CEP112: variants seen among roughly 807,000 people sequenced by gnomAD.
CEP112 encodes centrosomal protein of 112 kDa.
CEP112 carries 127 observed loss-of-function variants against 153.0 expected under a neutral mutation model. That is an observed-to-expected ratio of 0.83 (90% confidence interval 0.72 to 0.96). CEP112 has a LOEUF of 0.96. Among genes scored for constraint, CEP112 ranks in the 40% least tolerant of loss-of-function variants. The pLI, the probability that CEP112 is intolerant of heterozygous loss-of-function variation, is 0.00. For missense variants in CEP112, 1,089 were observed against 1,101.2 expected (o/e 0.99, Z 0.16); for synonymous variants, 358 against 374.4 (o/e 0.96, Z 0.51).
At chr17:66,092,907 A>G (rs1316097487) in intron 8 of CEP112, among the ~76,000 whole-genome samples, 1 of 152,218 alleles carries the variant, frequency 6.6e-6, no homozygotes, top group Non-Finnish European at 1.5e-5. Flanking sequence ...CATTGATAAC[A>G]ATATATTCAA....
chr17:66,006,114 G>A (rs528836008), intron 16 of CEP112, among the ~76,000 whole-genome samples: 172 of 152,144 alleles, frequency 1.1e-3, no homozygotes, highest in African/African-American at 3.9e-3. Flanking sequence ...AATAAACAAT[G>A]TGTCTATATT....
chr17:66,082,581 G>A (rs1047326126), intron 8 of CEP112, among the ~76,000 whole-genome samples: 1 of 152,066 alleles, frequency 6.6e-6, no homozygotes, highest in Non-Finnish European at 1.5e-5. Context: ...TGGCCAACAT[G>A]GCAAAACCCT....
chr17:65,790,935 C>G (rs1049815360), intron 21 of CEP112, among the ~76,000 whole-genome samples: 2 of 152,160 alleles, frequency 1.3e-5, no homozygotes, highest in African/African-American at 4.8e-5. Flanking sequence ...ATGTACCTGA[C>G]ATACAGGCAC....
intron 23 of CEP112, among the ~76,000 whole-genome samples, chr17:65,735,523 A>G (rs2050747826): frequency 6.6e-6 from 1 of 152,242 alleles, no homozygotes; most frequent in Non-Finnish European, 1.5e-5. Context: ...CAATGTAAGT[A>G]GAAAATATCG....
chr17:65,672,016 A>G (rs1301575561), intron 24 of CEP112, among the ~76,000 whole-genome samples: 1 of 152,260 alleles, frequency 6.6e-6, no homozygotes, highest in African/African-American at 2.4e-5. Context: ...AAATCTGTTT[A>G]GGAATGATAC....
chr17:65,802,855 G>A (rs745572146), intron 21 of CEP112, among the ~76,000 whole-genome samples: 3 of 152,112 alleles, frequency 2.0e-5, no homozygotes, highest in Admixed American at 6.6e-5. Context: ...CTTCCCACAC[G>A]CTCTTTTCCC....
intron 17 of CEP112, among the ~76,000 whole-genome samples, chr17:65,971,675 G>A (rs1401752613): frequency 6.6e-6 from 1 of 151,994 alleles, no homozygotes; most frequent in Non-Finnish European, 1.5e-5. Context: ...TATGTTACAT[G>A]CATATTACAT....
In CEP112 at chr17:66,067,016, AACACACACACACACACACACACAC is replaced by A. The variant is rs60964018; in HGVS notation, c.856-163_856-140del. On this transcript the variant is annotated intron_variant, in intron 9 of 26. Transcript: ENST00000535342. Reference sequence around the variant, plus strand: ...AATATGACTACACTGTGAAATTATAAACACACACACACACACACACACACACACACACACACACACAAAGTAGTA... The same window carrying A: ...AATATGACTACACTGTGAAATTATAAACACACACACACACACAAAGTAGTA... 12 of 264,974 alleles carry A rather than the reference AACACACACACACACACACACACAC, an allele frequency of 4.5e-5. No individual in the cohort carries two copies. In the Admixed American group the frequency reaches 6.2e-4, roughly 14 times the overall value. 16.4% of individuals were successfully genotyped at this position (264,974 alleles called of 1,614,324 possible). A position where few individuals can be genotyped will look rare whatever the true frequency, so the allele number is the denominator to read the frequency against.
intron 6 of CEP112, among the ~76,000 whole-genome samples, chr17:66,105,778 G>A (rs2068758613): frequency 6.6e-6 from 1 of 152,044 alleles, no homozygotes; most frequent in Non-Finnish European, 1.5e-5. Context: ...GGGTAACAGA[G>A]CCAGACCCCA....
chr17:66,006,335 C>T (rs901721969), intron 16 of CEP112, among the ~76,000 whole-genome samples: 1 of 152,094 alleles, frequency 6.6e-6, no homozygotes, highest in Non-Finnish European at 1.5e-5. Flanking sequence ...CGGCTGGGCA[C>T]GATGGCTCAC....
chr17:65,739,769 C>G (rs1008612885), intron 23 of CEP112, among the ~76,000 whole-genome samples: 4 of 151,998 alleles, frequency 2.6e-5, no homozygotes, highest in Non-Finnish European at 5.9e-5. Flanking sequence ...GAATTTTGTT[C>G]GTTTGTGTAA....
At chr17:66,097,770 AC>A (rs1029112291) in intron 6 of CEP112, among the ~76,000 whole-genome samples, 27 of 152,324 alleles carry the variant, frequency 1.8e-4, no homozygotes, top group African/African-American at 6.3e-4. Flanking sequence ...GATAAAGTAG[AC>A]ATATTGATAG....
intron 17 of CEP112, among the ~76,000 whole-genome samples, chr17:65,989,093 G>C (rs947718669): frequency 2.0e-5 from 3 of 151,682 alleles, no homozygotes; most frequent in African/African-American, 7.3e-5. Flanking sequence ...AAAAAAGCCA[G>C]GTGTGGTGGT....
chr17:65,951,746 C>A (rs2061840228), intron 18 of CEP112, among the ~76,000 whole-genome samples: 1 of 105,178 alleles, frequency 9.5e-6, no homozygotes, highest in Non-Finnish European at 2.0e-5. Context: ...TTCCCCCGCC[C>A]CCCCCTTTCT....
intron 19 of CEP112, among the ~76,000 whole-genome samples, chr17:65,924,499 C>G (rs1409534918): frequency 1.3e-5 from 2 of 151,948 alleles, no homozygotes; most frequent in Non-Finnish European, 2.9e-5. Context: ...ATAGAGTGTA[C>G]ATATTCACAT....
At chr17:65,754,444 A>T (rs1342840929) in intron 21 of CEP112, among the ~76,000 whole-genome samples, 1 of 152,118 alleles carries the variant, frequency 6.6e-6, no homozygotes, top group Non-Finnish European at 1.5e-5. Flanking sequence ...CCCTGTCCCT[A>T]CAAAAAATAC....
chr17:65,783,379 G>A (rs2054103307), intron 21 of CEP112, among the ~76,000 whole-genome samples: 1 of 152,142 alleles, frequency 6.6e-6, no homozygotes, highest in African/African-American at 2.4e-5. Context: ...AAACAGTTTG[G>A]AAGTTTTTCA....
chr17:65,763,106 T>C (rs1461284138), intron 21 of CEP112, among the ~76,000 whole-genome samples: 6 of 152,104 alleles, frequency 3.9e-5, no homozygotes, highest in Admixed American at 3.9e-4. Context: ...GTGTTTTCTC[T>C]CAACACTTGA....
intron 21 of CEP112, among the ~76,000 whole-genome samples, chr17:65,801,441 T>C (rs1215745785): frequency 5.3e-5 from 8 of 152,228 alleles, no homozygotes; most frequent in Non-Finnish European, 1.2e-4. Flanking sequence ...TCTTTTCTCT[T>C]TTATCACTTC....
Sources: allele counts gnomAD v4.1 joint callset (sites outside exome capture counted in the v4.1 genomes callset), GRCh38; gene constraint gnomAD v4.1.1; transcripts MANE v1.5; gene names NCBI Gene and HGNC (gene_info 2026-07-23, HGNC 2026-07-21).